SLC24A2: variants seen among roughly 807,000 people sequenced by gnomAD.
SLC24A2 encodes sodium/potassium/calcium exchanger 2.
Under a neutral mutation model 62.0 loss-of-function variants are expected in SLC24A2, and 36 were observed. The ratio of observed to expected loss-of-function variants is 0.58; its 90% confidence interval spans 0.44 to 0.77. SLC24A2 has a LOEUF of 0.77. Among genes scored for constraint, SLC24A2 ranks in the 30% least tolerant of loss-of-function variants. The probability of loss-of-function intolerance (pLI) is 0.00; values close to 1 mark genes in which losing one functional copy is unlikely to be tolerated. For synonymous variants in SLC24A2, 358 were observed against 294.0 expected, an observed-to-expected ratio of 1.22 and a Z score of -2.23; for missense variants, 846 against 817.9, an observed-to-expected ratio of 1.03 and a Z score of -0.42.
the SLC24A2 span, among the ~76,000 whole-genome samples, chr9:20,092,604 T>C: frequency 2.0e-5 from 3 of 152,218 alleles, no homozygotes; most frequent in Non-Finnish European, 2.9e-5. Flanking sequence ...ATTAAAAATA[T>C]TGACAAAAAT....
the SLC24A2 span, among the ~76,000 whole-genome samples, chr9:20,069,377 A>G: frequency 1.3e-5 from 2 of 152,344 alleles, no homozygotes; most frequent in South Asian, 4.1e-4. Flanking sequence ...GACAGCACTT[A>G]TAAGATAATA....
At chr9:20,282,250 C>A in the SLC24A2 span, among the ~76,000 whole-genome samples, 2 of 152,150 alleles carry the variant, frequency 1.3e-5, no homozygotes, top group African/African-American at 4.8e-5. Flanking sequence ...CCCCAAGAAA[C>A]CTTTTCCCAG....
the SLC24A2 span, among the ~76,000 whole-genome samples, chr9:19,850,253 A>G: frequency 6.6e-6 from 1 of 152,276 alleles, no homozygotes; most frequent in Non-Finnish European, 1.5e-5. Context: ...TCTCATCTTT[A>G]TAATTTATAG....
the SLC24A2 span, among the ~76,000 whole-genome samples, chr9:19,855,272 G>A: frequency 1.3e-5 from 2 of 152,052 alleles, no homozygotes; most frequent in African/African-American, 4.8e-5. Flanking sequence ...TTTAATTGGG[G>A]AATTTAGCCC....
chr9:20,089,202 G>T, the SLC24A2 span, among the ~76,000 whole-genome samples: 2 of 152,158 alleles, frequency 1.3e-5, no homozygotes, highest in Non-Finnish European at 2.9e-5. Context: ...CCAGAAACTG[G>T]TCTGGACCCC....
At chr9:19,976,583 A>G in the SLC24A2 span, among the ~76,000 whole-genome samples, 1 of 152,248 alleles carries the variant, frequency 6.6e-6, no homozygotes, top group Non-Finnish European at 1.5e-5. Flanking sequence ...TTCTTCATAA[A>G]TTACCTAGAC....
chr9:19,972,966 G>A, the SLC24A2 span, among the ~76,000 whole-genome samples: 37,237 of 151,676 alleles, frequency 0.25, 5,553 homozygotes, highest in Admixed American at 0.39. Flanking sequence ...TCATCTTTTG[G>A]GGGGTGGGAA....
intron 7 of SLC24A2, among the ~76,000 whole-genome samples, chr9:19,564,827 C>T (rs528704628): frequency 1.6e-4 from 24 of 152,232 alleles, no homozygotes; most frequent in South Asian, 6.2e-4. Flanking sequence ...TCATTGTGAG[C>T]GTATTTAAAT....
At chr9:20,247,580 T>C in the SLC24A2 span, among the ~76,000 whole-genome samples, 1 of 152,224 alleles carries the variant, frequency 6.6e-6, no homozygotes, top group Non-Finnish European at 1.5e-5. Flanking sequence ...GCAGACCCTC[T>C]CCAGACACCC....
chr9:20,065,060 A>T, the SLC24A2 span, among the ~76,000 whole-genome samples: 1 of 152,208 alleles, frequency 6.6e-6, no homozygotes, highest in Non-Finnish European at 1.5e-5. Context: ...GAGCTGCTGG[A>T]GACATGTGTT....
At chr9:19,641,310 G>A (rs886617012) in intron 2 of SLC24A2, among the ~76,000 whole-genome samples, 2 of 152,112 alleles carry the variant, frequency 1.3e-5, no homozygotes, top group African/African-American at 4.8e-5. Context: ...CTCTAGTTCT[G>A]AATTTGTCTC....
At chr9:19,887,749 T>A in the SLC24A2 span, among the ~76,000 whole-genome samples, 1 of 152,026 alleles carries the variant, frequency 6.6e-6, no homozygotes, top group Non-Finnish European at 1.5e-5. Flanking sequence ...TATACTTAAA[T>A]ATGGAACCAG....
the SLC24A2 span, among the ~76,000 whole-genome samples, chr9:20,088,689 C>T: frequency 6.6e-6 from 1 of 152,258 alleles, no homozygotes; most frequent in African/African-American, 2.4e-5. Context: ...AGCAATAAAG[C>T]TACTCTACAA....
chr9:20,295,053 TAC>T, the SLC24A2 span, among the ~76,000 whole-genome samples: 85 of 144,422 alleles, frequency 5.9e-4, no homozygotes, highest in African/African-American at 2.0e-3. Flanking sequence ...TATATATATA[TAC>T]ACACACACAT....
Position 19,786,916 on chromosome 9 carries a change from G to T in SLC24A2, c.-50C>A. 3.8e-6 allele frequency: 6 copies of T among 1,594,560 alleles called. No individual in the cohort carries two copies. Among genetic ancestry groups the T allele is most frequent in the Non-Finnish European group, 4.2e-6 (5 of 1,176,646 alleles). ...GATCTTCCAACTTTAGACTCAACCA[G>T]ATGGTTCTTTCATACTTTTCCTTAC... On this transcript the variant is annotated 5_prime_UTR_variant, in exon 2 of 11. In the 5' UTR this introduces an upstream ATG that the reference lacks. Coordinates refer to ENST00000341998, the MANE Select transcript of SLC24A2 (RefSeq NM_020344.4). The surrounding 1 kb of genome is among the most constrained non-coding windows in gnomAD (Gnocchi z 5.0).
chr9:19,528,298 G>A (rs1169693276), intron 8 of SLC24A2, among the ~76,000 whole-genome samples, 160 bp from the exon 9 acceptor site: 1 of 152,132 alleles, frequency 6.6e-6, no homozygotes, highest in African/African-American at 2.4e-5. Context: ...GATCAAGCTG[G>A]GACAGTAAGA....
chr9:19,673,470 A>C (rs1267237812), intron 2 of SLC24A2, among the ~76,000 whole-genome samples: 2 of 134,412 alleles, frequency 1.5e-5, no homozygotes, highest in African/African-American at 5.0e-5. Flanking sequence ...TGTGTTTGAG[A>C]CACAGTCTTG....
At chr9:19,606,467 C>G (rs1002611024) in intron 4 of SLC24A2, among the ~76,000 whole-genome samples, 2 of 152,176 alleles carry the variant, frequency 1.3e-5, no homozygotes, top group African/African-American at 4.8e-5. Flanking sequence ...AAGGCAGGTT[C>G]AACAACAGCA....
the SLC24A2 span, among the ~76,000 whole-genome samples, chr9:19,942,808 T>A: frequency 6.6e-6 from 1 of 152,178 alleles, no homozygotes; most frequent in Non-Finnish European, 1.5e-5. Context: ...TTTGCTGCCA[T>A]AATGAAGGCA....
Sources: allele counts gnomAD v4.1 joint callset (sites outside exome capture counted in the v4.1 genomes callset), GRCh38; gene constraint gnomAD v4.1.1; non-coding constraint Gnocchi (gnomAD v3.1); transcripts MANE v1.5; gene names NCBI Gene and HGNC (gene_info 2026-07-23, HGNC 2026-07-21).